MED20: variants seen among roughly 807,000 people sequenced by gnomAD.
The protein encoded by MED20 is mediator of RNA polymerase II transcription subunit 20.
MED20 carries 19 observed loss-of-function variants against 19.7 expected under a neutral mutation model. The ratio of observed to expected loss-of-function variants is 0.96; its 90% CI spans 0.67 to 1.42. MED20 has a LOEUF of 1.42. MED20 is among the 40% of genes most tolerant of loss of function. MED20 has a pLI of 0.00. For missense variants in MED20, 225 were observed against 273.0 expected (o/e 0.82, Z 1.24); for synonymous variants, 105 against 104.8 (o/e 1.00, Z -0.01).
chr6:41,916,962 G>C lies in MED20; in HGVS notation c.15-23C>G, dbSNP rs41271269. ...ACACTGGAAAGGAGAGCACCAAATC[G>C]TCAGTTATCCAGAGACACACGTGTG... On this transcript the variant is annotated intron_variant, in intron 1 of 3. Coordinates refer to ENST00000265350, the MANE Select transcript of MED20 (RefSeq NM_004275.5). 9 of 1,612,916 alleles carry C rather than the reference G, an allele frequency of 5.6e-6. No individual in the cohort carries two copies. In the African/African-American group the frequency reaches 1.1e-4, roughly 19 times the overall value.
At position 41,907,224 on chromosome 6, in the gene MED20, T is replaced by C. The variant is rs754239963; in HGVS notation, c.487A>G (p.Ser163Gly). The change falls in exon 4 of 4, where the codon AGT (serine) becomes GGT (glycine). Residue 163 changes from serine (S) to glycine (G), a missense_variant. Physicochemically the swap from Ser to Gly is moderately conservative, Grantham distance 56. Transcript: ENST00000265350. ...CWSLLLEFLQ[S>G]FLGSHTPGAP... is the part of the protein sequence containing the mutation. ...CCTGGTGTGTGGCTGCCTAGAAAAC[T>C]CTGTAGGAACTCGAGCAGCAGACTC... The C allele has an allele frequency of 6.2e-7, 1 of 1,613,812 alleles. No individual in the cohort carries two copies. The highest frequency in any genetic ancestry group is 1.1e-5 in the South Asian group (1 of 91,066).
chr6:41,913,898 CAAA>C (rs888423748), intron 2 of MED20, among the ~76,000 whole-genome samples: 1 of 148,550 alleles, frequency 6.7e-6, no homozygotes, highest in African/African-American at 2.5e-5. Context: ...AACTCCGTCT[CAAA>C]AAAAAAATTA....
At chr6:41,912,199 CTTTTTTTTTTT>C (rs887419565) in intron 2 of MED20, among the ~76,000 whole-genome samples, 7 of 119,276 alleles carry the variant, frequency 5.9e-5, no homozygotes, top group Admixed American at 3.7e-4. Context: ...CCATGCCCAC[CTTTTTTTTTTT>C]TTTTTTTTTT....
chr6:41,910,026 G>T (rs962001653), intron 2 of MED20, among the ~76,000 whole-genome samples: 1 of 152,112 alleles, frequency 6.6e-6, no homozygotes, highest in Non-Finnish European at 1.5e-5. Context: ...GCAGCAAAGG[G>T]GAGTGTCTGA....
intron 2 of MED20, among the ~76,000 whole-genome samples, chr6:41,910,075 T>G (rs190429095): frequency 6.6e-6 from 1 of 152,110 alleles, no homozygotes; most frequent in Non-Finnish European, 1.5e-5. Flanking sequence ...CAAGCTGTGA[T>G]AGGTCTTATC....
intron 2 of MED20, among the ~76,000 whole-genome samples, chr6:41,915,801 C>CACACACACACACACACACACAT (rs1163076319): frequency 6.6e-6 from 1 of 151,842 alleles, no homozygotes; most frequent in Non-Finnish European, 1.5e-5. Flanking sequence ...CACACACACA[C>CACACACACACACACACACACAT]ATAAATACTC....
chr6:41,920,473 T>G (rs1775432322), intron 1 of MED20, among the ~76,000 whole-genome samples: 1 of 152,180 alleles, frequency 6.6e-6, no homozygotes. Context: ...GAGGTCCCAC[T>G]GCAGGCAGTA....
intron 1 of MED20, among the ~76,000 whole-genome samples, chr6:41,918,486 A>G (rs1173375886): frequency 1.3e-5 from 2 of 149,206 alleles, no homozygotes; most frequent in Non-Finnish European, 3.0e-5. Context: ...CCTGGACAAC[A>G]AGAGCGAAAC....
At chr6:41,908,402 A>C (rs1028068226) in intron 3 of MED20, among the ~76,000 whole-genome samples, 1 of 152,170 alleles carries the variant, frequency 6.6e-6, no homozygotes, top group African/African-American at 2.4e-5. Flanking sequence ...ACTCCTTGTC[A>C]CTATATATGT....
At chr6:41,909,992 G>C (rs1775151486) in intron 2 of MED20, among the ~76,000 whole-genome samples, 1 of 152,120 alleles carries the variant, frequency 6.6e-6, no homozygotes. Flanking sequence ...CCCTCTTTGA[G>C]ATCTAGTAAA....
intron 1 of MED20, 92 bp from the exon 2 acceptor site, chr6:41,917,031 G>A: frequency 7.5e-7 from 1 of 1,341,744 alleles, no homozygotes; most frequent in Non-Finnish European, 1.0e-6. Context: ...AGCTCATCAG[G>A]GCCAAAAGTT....
At position 41,907,008 on chromosome 6, in the gene MED20, GT is replaced by G. The variant is rs1775066898; in HGVS notation, c.*63del. ...GTTTCTGGGGTCCAGGGACCTGAAA[GT>G]CAGCACCTGCTCCTCCTGTGGAGTA... On this transcript the variant is annotated 3_prime_UTR_variant, in exon 4 of 4. Transcript: ENST00000265350. 1 of 1,499,122 alleles carries G rather than the reference GT, an allele frequency of 6.7e-7. No homozygotes were observed. The allele number at this position is 1,499,122 out of a possible 1,614,324, so 92.9% of individuals were successfully genotyped here. A position where few individuals can be genotyped will look rare whatever the true frequency, so the allele number is the denominator to read the frequency against.
rs1401855534 is a variant in MED20, at chr6:41,907,155, G to A, written c.556C>T (p.Pro186Ser). 1 of 1,613,900 alleles carries A rather than the reference G, an allele frequency of 6.2e-7. No individual in the cohort carries two copies. The highest frequency in any genetic ancestry group is 8.5e-7 in the Non-Finnish European group (1 of 1,180,026). Residue 186 changes from proline to serine, a missense_variant, in exon 4 of 4, where the codon CCA (proline) becomes TCA (serine). By Grantham distance (74) the Pro-to-Ser change is moderately conservative. Coordinates refer to ENST00000265350, the MANE Select transcript of MED20 (RefSeq NM_004275.5). ...FGNRHDAVYG[P>S]ADTMVQYMEL... ...ATGTACTGGACCATGGTATCTGCTG[G>A]GCCGTAGACCGCATCATGTCTGTTC...
Position 41,909,348 on chromosome 6 carries a change from G to T in MED20, c.344C>A (p.Thr115Asn). 6.2e-7 allele frequency: 1 copy of T among 1,614,128 alleles called. No homozygotes were observed. Among genetic ancestry groups the T allele is most frequent in the South Asian group, 1.1e-5 (1 of 91,092 alleles). ...CAGGAAGTCACAGTACTGGTACCTG[G>T]TGCCCCGGGTCTCAATCTTGCTGGC... ...AKASKIETRG[T>N]RYQYCDFLVK... Residue 115 changes from threonine to asparagine, a missense_variant, in exon 3 of 4, where the codon ACC (threonine) becomes AAC (asparagine). Thr to Asn is a moderately conservative substitution (Grantham distance 65). Transcript: ENST00000265350.
chr6:41,917,016 A>G, intron 1 of MED20, 77 bp from the exon 2 acceptor site: 8 of 1,506,256 alleles, frequency 5.3e-6, no homozygotes, highest in Non-Finnish European at 5.5e-6. Flanking sequence ...CGCCCACAGC[A>G]TCACAGCTCA....
intron 3 of MED20, among the ~76,000 whole-genome samples, chr6:41,907,696 T>C (rs983530130): frequency 2.6e-5 from 4 of 152,058 alleles, no homozygotes; most frequent in African/African-American, 4.8e-5. Flanking sequence ...TGGACACATA[T>C]GCTCATGAGT....
intron 1 of MED20, among the ~76,000 whole-genome samples, chr6:41,919,777 A>G (rs929663930): frequency 6.6e-6 from 1 of 152,192 alleles, no homozygotes; most frequent in East Asian, 1.9e-4. Flanking sequence ...TTCTTTAAAA[A>G]AAAGAAAGAG....
chr6:41,916,918 G>A lies in MED20; in HGVS notation c.36C>T (p.Ala12=), dbSNP rs150677099. The A allele has an allele frequency of 1.2e-5, 19 of 1,613,744 alleles. No homozygotes were observed. The highest frequency in any genetic ancestry group is 1.6e-4 in the Middle Eastern group (1 of 6,066). Residue 12 remains alanine (A), a synonymous_variant, in exon 2 of 4, where the codon GCC becomes GCT. Coordinates refer to ENST00000265350, the MANE Select transcript of MED20 (RefSeq NM_004275.5). ...CGGTTTGCTGAACACTCTTGCCCTC[G>A]GCCACAGGCATCTGGGACACACTGG... ...GVTCVSQMPV[A]EGKSVQQTVE...
chr6:41,914,488 G>A (rs992566418), intron 2 of MED20, among the ~76,000 whole-genome samples: 2 of 152,196 alleles, frequency 1.3e-5, no homozygotes, highest in Non-Finnish European at 2.9e-5. Context: ...CAGGTACACA[G>A]TTAGAATGTG....
Sources: gnomAD v4.1 joint callset for allele counts (sites outside exome capture counted in the v4.1 genomes callset) on GRCh38, gnomAD v4.1.1 for gene constraint, MANE v1.5 for transcripts, NCBI Gene and HGNC (gene_info 2026-07-23, HGNC 2026-07-21) for gene names.